Variants in RPS6KL1 observed in about 807,000 individuals in gnomAD.
The protein encoded by RPS6KL1 is ribosomal protein S6 kinase-like 1.
Under a neutral mutation model 57.0 loss-of-function variants are expected in RPS6KL1, and 41 were observed. That is an observed-to-expected ratio of 0.72 (90% CI 0.56 to 0.93). The LOEUF is 0.93. RPS6KL1 is among the 40% of genes least tolerant of loss of function. RPS6KL1 has a pLI of 0.00. For missense variants in RPS6KL1, 697 were observed against 727.7 expected (o/e 0.96, Z 0.49); for synonymous variants, 287 against 309.7 (o/e 0.93, Z 0.77).
intron 5 of RPS6KL1, 104 bp downstream of exon 5, chr14:74,918,409 C>T: frequency 1.2e-6 from 1 of 804,928 alleles, no homozygotes; most frequent in Non-Finnish European, 1.9e-6. Flanking sequence ...GAGTGGGGGC[C>T]ACTGCTACAG....
chr14:74,921,905 G>A (rs765246686), intron 2 of RPS6KL1, 73 bp downstream of exon 2: 3 of 323,486 alleles, frequency 9.3e-6, no homozygotes, highest in Admixed American at 1.0e-4. Context: ...AGCATCCCAA[G>A]TAGCTGGGAT....
chr14:74,916,657 AG>A (rs1886894084), intron 5 of RPS6KL1, among the ~76,000 whole-genome samples: 1 of 151,734 alleles, frequency 6.6e-6, no homozygotes, highest in South Asian at 2.1e-4. Context: ...CTCCAGCCTG[AG>A]CTACAGAGCG....
intron 5 of RPS6KL1, among the ~76,000 whole-genome samples, chr14:74,915,828 A>C (rs1205170499): frequency 2.0e-5 from 3 of 152,218 alleles, no homozygotes; most frequent in Non-Finnish European, 1.5e-5. Context: ...AACAAAAAAA[A>C]CACCCCTGTG....
At chr14:74,910,366 T>TTTTTAATGA in intron 7 of RPS6KL1, 1 of 433,448 alleles carries the variant, frequency 2.3e-6, no homozygotes, top group South Asian at 7.3e-5. Flanking sequence ...GGGCCCAGCC[T>TTTTTAATGA]TACAAACTGG....
intron 7 of RPS6KL1, 28 bp from the exon 8 acceptor site, chr14:74,910,176 G>A (rs568366256): frequency 3.8e-5 from 57 of 1,496,466 alleles, no homozygotes; most frequent in South Asian, 9.6e-5. Context: ...AGCGGTGAGC[G>A]TGGGGACAGG....
At chr14:74,907,251 T>C (rs1482057299) in intron 11 of RPS6KL1, 127 bp from the exon 12 acceptor site, 2 of 1,381,346 alleles carry the variant, frequency 1.4e-6, no homozygotes, top group African/African-American at 2.9e-5. Context: ...AGAACCCCCA[T>C]TTTACCCTGG....
In RPS6KL1 at chr14:74,922,059, G is replaced by A. The variant is rs1887948599; in HGVS notation, c.-102C>T. ...CTCCCACAGTGCTGGGATTATAGAC[G>A]TGAGCCACCGCGCAGGCCTGGGGCT... On this transcript the variant is annotated 5_prime_UTR_variant, in exon 2 of 12. The change creates a new upstream start codon in the 5' untranslated region. Coordinates refer to ENST00000557413, the MANE Select transcript of RPS6KL1 (RefSeq NM_031464.5). 1.4e-5 allele frequency: 6 copies of A among 439,602 alleles called. No homozygotes were observed. Among genetic ancestry groups the A allele is most frequent in the Non-Finnish European group, 1.8e-5 (6 of 324,572 alleles). 27.2% of individuals were successfully genotyped at this position (439,602 alleles called of 1,614,324 possible).
rs1885538851 is a variant in RPS6KL1 at position 74,909,547 on chromosome 14, C to T, written c.1266G>A (p.Gln422=). 6.3e-7 allele frequency: 1 copy of T among 1,593,626 alleles called. No homozygotes were observed. The highest frequency in any genetic ancestry group is 1.8e-4 in the Middle Eastern group (1 of 5,622). The part of the protein sequence containing the change: ...DLHPGNLLLD[Q]AGHIRLTYFG... ...AGGGGTGAGGAGGGCACCTACCTGC[C>T]TGGTCCAGGAGCAGGTTCCCGGGGT... Residue 422 remains glutamine, a synonymous_variant, in exon 8 of 12, where the codon CAG becomes CAA. Coordinates refer to ENST00000557413, the MANE Select transcript of RPS6KL1 (RefSeq NM_031464.5).
intron 3 of RPS6KL1, 123 bp downstream of exon 3, chr14:74,921,154 G>C (rs1887762685): frequency 1.2e-6 from 1 of 841,648 alleles, no homozygotes; most frequent in South Asian, 1.6e-5. Flanking sequence ...AGGCCCTGCA[G>C]GCCAGCATAG....
At position 74,920,465 on chromosome 14, in the gene RPS6KL1, T is replaced by C. The variant is rs142356850; in HGVS notation, c.266-496A>G. Among the ~76,000 whole-genome samples the C allele has an allele frequency of 2.8e-3, 431 of 152,016 alleles. 2 individuals carry two copies. Among genetic ancestry groups the C allele is most frequent in the African/African-American group, 9.9e-3 (409 of 41,468 alleles). ...CAGCCAGAGGGCAGGAAGGGCCCAG[T>C]GCCCACCTCAAGGCCTGGCCACCAG... On this transcript the variant is annotated intron_variant, in intron 3 of 11. Transcript: ENST00000557413.
rs1887261403 is a variant in RPS6KL1, at chr14:74,918,592, A to G, written c.404T>C (p.Leu135Pro). Residue 135 changes from leucine (L) to proline (P), a missense_variant, in exon 5 of 12, where the codon CTG becomes CCG. By Grantham distance (98) the Leu-to-Pro change is moderately conservative. Transcript: ENST00000557413. Reference protein sequence around the residue: ...GASPSAGFSSLRLRPIRTLSS... With the variant: ...GASPSAGFSSPRLRPIRTLSS... ...CAGCGTGCGAATGGGCCGGAGCCTC[A>G]GGCTGCTGAAACCCTGCAGAGGAGG... is the stretch of plus-strand genomic sequence containing the variant. 3 of 1,534,094 alleles carry G rather than the reference A, an allele frequency of 2.0e-6. No homozygotes were observed. The highest frequency in any genetic ancestry group is 2.6e-6 in the Non-Finnish European group (3 of 1,145,924).
chr14:74,908,968 C>T (rs769358460), intron 9 of RPS6KL1, 36 bp from the exon 10 acceptor site: 3 of 1,590,922 alleles, frequency 1.9e-6, no homozygotes, highest in East Asian at 4.5e-5. Context: ...CCAGCCTCAC[C>T]TAAGAGGGCC....
chr14:74,904,600 CTAGAA>C lies in RPS6KL1; in HGVS notation c.*2409_*2413del, dbSNP rs1016888773. 19 of 152,188 alleles carry C rather than the reference CTAGAA, an allele frequency of 1.2e-4. No homozygotes were observed. The highest frequency in any genetic ancestry group is 2.1e-4 in the Non-Finnish European group (14 of 68,030). The allele number at this position is 152,188 out of a possible 1,614,324, so 9.4% of individuals were successfully genotyped here. A position where few individuals can be genotyped will look rare whatever the true frequency, so the allele number is the denominator to read the frequency against. ...TTCCTTGAGCCTGTCAAGCCATACT[CTAGAA>C]TAGAGAATTTGGGGTCACCATCTTT... On this transcript the variant is annotated 3_prime_UTR_variant, in exon 12 of 12. Coordinates refer to ENST00000557413, the MANE Select transcript of RPS6KL1 (RefSeq NM_031464.5).
chr14:74,909,933 G>A lies in RPS6KL1; in HGVS notation c.880C>T (p.Pro294Ser). 1.2e-6 allele frequency: 2 copies of A among 1,614,136 alleles called. No individual in the cohort carries two copies. The highest frequency in any genetic ancestry group is 1.1e-5 in the South Asian group (1 of 91,088). Residue 294 changes from proline to serine, a missense_variant, in exon 8 of 12, where the codon CCA becomes TCA. By Grantham distance (74) the Pro-to-Ser change is moderately conservative (BLOSUM62 -1). Coordinates refer to ENST00000557413, the MANE Select transcript of RPS6KL1 (RefSeq NM_031464.5). ...SPNLLLAGEA[P>S]STRPQREAEG... ...GCCTCCCTCTGGGGTCTGGTGGATGGGGCCTCCCCAGCTAGGAGAAGGTTC... is the reference window on the plus strand; with the variant it reads ...GCCTCCCTCTGGGGTCTGGTGGATGAGGCCTCCCCAGCTAGGAGAAGGTTC...
rs1263712451 is a variant in RPS6KL1, at chr14:74,906,940, C to G, written c.*74G>C. ...AAAGCCCGCTGATAGAGGGCCAGCC[C>G]TGGGTTGGGTGTCAGGCAAGGAGGA... is the stretch of plus-strand genomic sequence containing the variant. On this transcript the variant is annotated 3_prime_UTR_variant, in exon 12 of 12. Transcript: ENST00000557413. The G allele has an allele frequency of 4.3e-6, 5 of 1,169,472 alleles. No homozygotes were observed. In the Admixed American group the frequency reaches 8.6e-5, roughly 20 times the overall value. The allele number at this position is 1,169,472 out of a possible 1,614,324, so 72.4% of individuals were successfully genotyped here. A position where few individuals can be genotyped will look rare whatever the true frequency, so the allele number is the denominator to read the frequency against.
chr14:74,914,908 C>A (rs564870639), intron 5 of RPS6KL1, among the ~76,000 whole-genome samples: 28 of 152,344 alleles, frequency 1.8e-4, no homozygotes, highest in African/African-American at 6.7e-4. Flanking sequence ...GACGGGGTTT[C>A]ACCATGTTGG....
chr14:74,921,238 T>TTCCCCCCCCCCCCCCCCCCC, intron 3 of RPS6KL1, 39 bp downstream of exon 3: 5 of 840,158 alleles, frequency 6.0e-6, no homozygotes, highest in Admixed American at 1.8e-5. Flanking sequence ...CACTGGCCCT[T>TTCCCCCCCCCCCCCCCCCCC]CCCCACCCAC....
Position 74,909,674 on chromosome 14 carries a change from G to T in RPS6KL1, c.1139C>A (p.Ala380Asp), listed in dbSNP as rs1389280206. The T allele has an allele frequency of 3.7e-6, 6 of 1,609,588 alleles. No individual in the cohort carries two copies. In the East Asian group the frequency reaches 1.1e-4, roughly 30 times the overall value. ...ADGAGRGCGR[A>D]TWSVREEQVK... ...CTGCTCCTCTCTCACACTCCAGGTG[G>T]CCCTGCCACAGCCCCGGCCGGCCCC... The change falls in exon 8 of 12, where the codon GCC (alanine) becomes GAC (aspartate). Residue 380 changes from alanine (A) to aspartate (D), a missense_variant. Transcript: ENST00000557413.
At chr14:74,908,743 T>C in intron 10 of RPS6KL1, 107 bp downstream of exon 10, 1 of 968,326 alleles carries the variant, frequency 1.0e-6, no homozygotes, top group Admixed American at 1.8e-5. Flanking sequence ...GTTGTGCTGG[T>C]AGGACAGCCA....
Sources: gnomAD v4.1 joint callset for allele counts (sites outside exome capture counted in the v4.1 genomes callset) on GRCh38, gnomAD v4.1.1 for gene constraint, MANE v1.5 for transcripts, NCBI Gene and HGNC (gene_info 2026-07-23, HGNC 2026-07-21) for gene names.